ANKS1B: variants seen among roughly 807,000 people sequenced by gnomAD.
ANKS1B encodes ankyrin repeat and sterile alpha motif domain containing 1B, also known as ankyrin repeat and sterile alpha motif domain-containing protein 1B.
A neutral mutation model predicts 148.3 loss-of-function variants in ANKS1B; 36 were observed. The observed-to-expected ratio is 0.24, with a 90% CI of 0.19 to 0.32. The LOEUF (loss-of-function observed/expected upper bound fraction) is 0.32, where lower values mean the gene tolerates loss of function less well. Among genes scored for constraint, ANKS1B ranks in the 10% least tolerant of loss-of-function variants. ANKS1B has a pLI of 1.00. For synonymous variants in ANKS1B, 542 were observed against 560.8 expected (o/e 0.97, Z 0.47); for missense variants, 1,157 against 1,542.6 (o/e 0.75, Z 4.19).
chr12:99,293,483 A>G (rs2080355760), intron 12 of ANKS1B, among the ~76,000 whole-genome samples: 1 of 152,238 alleles, frequency 6.6e-6, no homozygotes, highest in Non-Finnish European at 1.5e-5. Flanking sequence ...CATGTACCCT[A>G]GAACTTAAAG....
chr12:99,935,781 C>T (rs1232560797), intron 1 of ANKS1B, among the ~76,000 whole-genome samples: 1 of 152,144 alleles, frequency 6.6e-6, no homozygotes, highest in East Asian at 1.9e-4. Flanking sequence ...TCTTAACTGA[C>T]TTAAAGTCAA....
chr12:99,834,519 A>G (rs1287815860), intron 1 of ANKS1B, among the ~76,000 whole-genome samples: 2 of 152,212 alleles, frequency 1.3e-5, no homozygotes, highest in African/African-American at 2.4e-5. Flanking sequence ...TAGATTTTAG[A>G]ATAAATATAA....
At chr12:99,664,236 T>A (rs2098494034) in intron 8 of ANKS1B, among the ~76,000 whole-genome samples, 1 of 152,098 alleles carries the variant, frequency 6.6e-6, no homozygotes. Flanking sequence ...ACAGATCATT[T>A]TATATGAACA....
intron 1 of ANKS1B, among the ~76,000 whole-genome samples, chr12:99,878,883 A>G (rs1324608072): frequency 6.6e-6 from 1 of 151,996 alleles, no homozygotes; most frequent in Non-Finnish European, 1.5e-5. Context: ...GAGGGTACTG[A>G]TTATAATTCC....
chr12:99,887,839 A>T (rs1182866586), intron 1 of ANKS1B, among the ~76,000 whole-genome samples: 1 of 152,184 alleles, frequency 6.6e-6, no homozygotes, highest in South Asian at 2.1e-4. Flanking sequence ...ATTAGTCCCC[A>T]TGCCTACTAT....
At chr12:99,127,840 C>T (rs751480340) in intron 15 of ANKS1B, among the ~76,000 whole-genome samples, 1 of 152,194 alleles carries the variant, frequency 6.6e-6, no homozygotes, top group Non-Finnish European at 1.5e-5. Flanking sequence ...CATTTGCCTC[C>T]ACAAATTAGA....
intron 1 of ANKS1B, among the ~76,000 whole-genome samples, chr12:99,931,853 T>C (rs1487637237): frequency 6.6e-6 from 1 of 152,172 alleles, no homozygotes; most frequent in Admixed American, 6.6e-5. Flanking sequence ...TGTTGTGCTA[T>C]CAAATGCTAG....
intron 17 of ANKS1B, among the ~76,000 whole-genome samples, chr12:99,051,919 C>A (rs1175334504): frequency 6.6e-6 from 1 of 150,652 alleles, no homozygotes; most frequent in Admixed American, 6.6e-5. Context: ...TGTGTAGAAC[C>A]GGGACTTTTG....
chr12:99,012,619 A>G (rs2099940108), intron 17 of ANKS1B, among the ~76,000 whole-genome samples: 1 of 152,212 alleles, frequency 6.6e-6, no homozygotes, highest in Admixed American at 6.6e-5. Context: ...TGTTTATCAT[A>G]CAGCTCAAAA....
At chr12:99,034,922 C>T (rs1216905698) in intron 17 of ANKS1B, among the ~76,000 whole-genome samples, 1 of 152,040 alleles carries the variant, frequency 6.6e-6, no homozygotes, top group Non-Finnish European at 1.5e-5. Flanking sequence ...TTCAGAGTAA[C>T]ATGATAGAAA....
At chr12:99,071,311 A>G (rs568245105) in intron 16 of ANKS1B, among the ~76,000 whole-genome samples, 2 of 152,376 alleles carry the variant, frequency 1.3e-5, no homozygotes, top group South Asian at 4.1e-4. Context: ...CTTGAATGCC[A>G]TTGATGGAAA....
intron 12 of ANKS1B, among the ~76,000 whole-genome samples, chr12:99,323,167 T>C (rs2085636720): frequency 6.6e-6 from 1 of 152,220 alleles, no homozygotes; most frequent in Non-Finnish European, 1.5e-5. Flanking sequence ...CATACTGATA[T>C]ATCCTCTTTT....
chr12:99,369,785 G>A (rs1566971287), intron 12 of ANKS1B, among the ~76,000 whole-genome samples: 1 of 146,048 alleles, frequency 6.8e-6, no homozygotes, highest in African/African-American at 2.6e-5. Flanking sequence ...TAGATAGATA[G>A]ATAGATGGAC....
intron 8 of ANKS1B, among the ~76,000 whole-genome samples, chr12:99,729,704 G>A (rs967688518): frequency 2.6e-5 from 4 of 152,036 alleles, no homozygotes; most frequent in African/African-American, 9.7e-5. Context: ...TTCACGCCTT[G>A]TAAATTTCTG....
intron 12 of ANKS1B, among the ~76,000 whole-genome samples, chr12:99,369,414 A>T (rs890891383): frequency 6.6e-6 from 1 of 152,206 alleles, no homozygotes; most frequent in Non-Finnish European, 1.5e-5. Context: ...ATGTTGGTGG[A>T]CTGTTCTAGA....
chr12:99,655,431 A>G (rs2098445469), intron 8 of ANKS1B, among the ~76,000 whole-genome samples: 1 of 152,188 alleles, frequency 6.6e-6, no homozygotes. Flanking sequence ...TTATAAAATA[A>G]TATATGAAGT....
rs543789650 is a variant in ANKS1B at position 99,590,201 on chromosome 12, CAT to C, written c.1272+64864_1272+64865del. Among the ~76,000 whole-genome samples, 43 of 151,396 alleles carry C rather than the reference CAT, an allele frequency of 2.8e-4. No homozygotes were observed. The East Asian group carries it at 5.4e-3, about 19-fold the overall frequency. ...GAAAAAATTCACAAAAATGTTAACT[CAT>C]GTGTTTATTTTCAGTGCTCATTCAT... On this transcript the variant is annotated intron_variant, in intron 9 of 26. Coordinates refer to ENST00000683438, the MANE Select transcript of ANKS1B (RefSeq NM_001352186.2).
chr12:98,739,870 C>A (rs557606156), downstream of ANKS1B, among the ~76,000 whole-genome samples: 2 of 152,262 alleles, frequency 1.3e-5, no homozygotes, highest in South Asian at 4.1e-4. Flanking sequence ...TCACAAATTG[C>A]GACCCTGCTG....
intron 1 of ANKS1B, among the ~76,000 whole-genome samples, chr12:99,918,430 GT>G (rs1455573926): frequency 6.6e-6 from 1 of 152,114 alleles, no homozygotes; most frequent in Non-Finnish European, 1.5e-5. Context: ...CTTTATTTTG[GT>G]GCCTGATTTA....
Sources: allele counts gnomAD v4.1 joint callset (sites outside exome capture counted in the v4.1 genomes callset), GRCh38; gene constraint gnomAD v4.1.1; transcripts MANE v1.5; gene names NCBI Gene and HGNC (gene_info 2026-07-23, HGNC 2026-07-21).